The following RUFY3 variants were observed in gnomAD, a reference collection of about 807,000 sequenced individuals.
RUFY3 encodes the protein protein RUFY3.
A neutral mutation model predicts 84.0 loss-of-function variants in RUFY3; 34 were observed. The ratio of observed to expected loss-of-function variants is 0.40; its 90% CI spans 0.31 to 0.54. RUFY3 has a LOEUF of 0.54. Among genes scored for constraint, RUFY3 ranks in the 20% least tolerant of loss-of-function variants. The probability of loss-of-function intolerance (pLI) is 0.39; values close to 1 mark genes in which losing one functional copy is unlikely to be tolerated. For synonymous variants in RUFY3, 242 were observed against 252.9 expected (o/e 0.96, Z 0.41); for missense variants, 507 against 736.8 (o/e 0.69, Z 3.61).
At chr4:70,788,710 C>T in intron 10 of RUFY3, 96 bp from the exon 11 acceptor site, 3 of 1,396,176 alleles carry the variant, frequency 2.1e-6, no homozygotes, top group Non-Finnish European at 9.7e-7. Context: ...AATATTCAGA[C>T]CTGAGAGTTT....
intron 12 of RUFY3, 137 bp downstream of exon 12, chr4:70,789,729 A>G (rs769867272): frequency 2.1e-5 from 29 of 1,358,364 alleles, no homozygotes; most frequent in Non-Finnish European, 2.8e-5. Context: ...GAAAAAAGCC[A>G]GTTGAATGTT....
chr4:70,726,798 TG>T (rs1210371463), intron 1 of RUFY3, among the ~76,000 whole-genome samples: 1 of 152,212 alleles, frequency 6.6e-6, no homozygotes, highest in South Asian at 2.1e-4. Flanking sequence ...AATCCTCACA[TG>T]GAAAGGCGGG....
chr4:70,750,200 C>T (rs778264664), intron 1 of RUFY3, among the ~76,000 whole-genome samples: 18 of 152,006 alleles, frequency 1.2e-4, no homozygotes, highest in Non-Finnish European at 2.4e-4. Context: ...TTTTATAGTA[C>T]GTAAAAAGAA....
intron 1 of RUFY3, among the ~76,000 whole-genome samples, chr4:70,749,263 A>G (rs187809967): frequency 8.0e-4 from 122 of 152,308 alleles, no homozygotes; most frequent in Non-Finnish European, 1.5e-3. Context: ...CTTCTGCAGC[A>G]TGGAATTCTC....
intron 1 of RUFY3, among the ~76,000 whole-genome samples, chr4:70,707,156 T>C (rs1003831421): frequency 1.3e-5 from 2 of 152,272 alleles, no homozygotes; most frequent in Non-Finnish European, 2.9e-5. Flanking sequence ...TCTTATCAGT[T>C]AATACTGTTG....
intron 5 of RUFY3, among the ~76,000 whole-genome samples, chr4:70,770,655 A>G (rs1726804866): frequency 6.6e-6 from 1 of 152,190 alleles, no homozygotes; most frequent in Admixed American, 6.5e-5. Context: ...AGACCACTCA[A>G]ACTTTATTCC....
chr4:70,710,258 G>A (rs1440954760), intron 1 of RUFY3, among the ~76,000 whole-genome samples: 1 of 152,222 alleles, frequency 6.6e-6, no homozygotes, highest in Non-Finnish European at 1.5e-5. Flanking sequence ...TTGCATGCAT[G>A]CATGTATGTA....
chr4:70,759,095 C>T (rs1044798562), intron 1 of RUFY3, among the ~76,000 whole-genome samples: 7 of 152,010 alleles, frequency 4.6e-5, no homozygotes, highest in African/African-American at 1.7e-4. Flanking sequence ...AACACTAGAA[C>T]TTACTCATCT....
chr4:70,782,145 C>G (rs1287572322), intron 8 of RUFY3, among the ~76,000 whole-genome samples: 1 of 151,890 alleles, frequency 6.6e-6, no homozygotes, highest in Non-Finnish European at 1.5e-5. Flanking sequence ...TGTGACAGGA[C>G]CCCTTTATTA....
intron 1 of RUFY3, among the ~76,000 whole-genome samples, chr4:70,750,395 C>T (rs745423197): frequency 1.4e-4 from 21 of 152,200 alleles, no homozygotes; most frequent in Non-Finnish European, 2.8e-4. Context: ...TATAGTGTCT[C>T]AGCCCATTTT....
chr4:70,710,627 G>A (rs958751554), intron 1 of RUFY3, among the ~76,000 whole-genome samples: 17 of 151,926 alleles, frequency 1.1e-4, no homozygotes, highest in Middle Eastern at 6.8e-3. Flanking sequence ...CCGAGATTGC[G>A]CCATTGTACT....
intron 15 of RUFY3, 99 bp from the exon 16 acceptor site, chr4:70,802,848 ATTTCTTGTT>A: frequency 1.3e-6 from 1 of 743,982 alleles, no homozygotes; most frequent in East Asian, 2.6e-5. Context: ...GACCTACAGT[ATTTCTTGTT>A]TGAAAAAAAT....
intron 1 of RUFY3, among the ~76,000 whole-genome samples, chr4:70,738,957 C>T (rs78878924): frequency 0.093 from 13,903 of 150,192 alleles, 1,359 homozygotes; most frequent in African/African-American, 0.25. Context: ...CTAGGCGATG[C>T]ACCCACCTCT....
intron 5 of RUFY3, among the ~76,000 whole-genome samples, chr4:70,772,442 A>G (rs1442481476): frequency 6.6e-6 from 1 of 152,148 alleles, no homozygotes; most frequent in Non-Finnish European, 1.5e-5. Flanking sequence ...AGCTGAATAT[A>G]TTTTATAATT....
intron 1 of RUFY3, among the ~76,000 whole-genome samples, chr4:70,736,806 A>AG (rs1720386010): frequency 6.6e-6 from 1 of 152,194 alleles, no homozygotes. Flanking sequence ...TCCTGACCTC[A>AG]GGTGATCCAC....
At chr4:70,749,050 C>T (rs558843467) in intron 1 of RUFY3, among the ~76,000 whole-genome samples, 165 of 152,308 alleles carry the variant, frequency 1.1e-3, no homozygotes, top group African/African-American at 3.9e-3. Flanking sequence ...CCTCTCACAT[C>T]CATTTACATT....
At chr4:70,781,339 C>G (rs78111195) in intron 8 of RUFY3, among the ~76,000 whole-genome samples, 10,375 of 152,082 alleles carry the variant, frequency 0.068, 554 homozygotes, top group East Asian at 0.2. Context: ...AATTAGCCGG[C>G]TGTTGTGGTG....
chr4:70,739,524 A>G (rs1181161668), intron 1 of RUFY3, among the ~76,000 whole-genome samples: 1 of 152,148 alleles, frequency 6.6e-6, no homozygotes, highest in African/African-American at 2.4e-5. Flanking sequence ...AGAAACCATA[A>G]TAAAATTCTA....
intron 12 of RUFY3, chr4:70,793,539 T>TAA (rs199792547): frequency 1.5e-6 from 2 of 1,362,422 alleles, no homozygotes; most frequent in Non-Finnish European, 1.9e-6. Context: ...AGTACTAGAA[T>TAA]AAAAAAAATG....
Sources: gnomAD v4.1 joint callset for allele counts (sites outside exome capture counted in the v4.1 genomes callset) on GRCh38, gnomAD v4.1.1 for gene constraint, MANE v1.5 for transcripts, NCBI Gene and HGNC (gene_info 2026-07-23, HGNC 2026-07-21) for gene names.